CTNND2: variants seen among roughly 807,000 people sequenced by gnomAD.
CTNND2 encodes the protein catenin delta 2, also known as catenin delta-2.
In CTNND2, 22 loss-of-function variants were observed where a neutral mutation model predicts 144.4. The ratio of observed to expected loss-of-function variants is 0.15; its 90% CI spans 0.11 to 0.22. The LOEUF (loss-of-function observed/expected upper bound fraction) is 0.22, where lower values mean the gene tolerates loss of function less well. Ranked by LOEUF, CTNND2 falls within the 10% of genes least tolerant of loss-of-function variation. CTNND2 has a pLI of 1.00. For synonymous variants in CTNND2, 751 were observed against 695.6 expected, an observed-to-expected ratio of 1.08 and a Z score of -1.25; for missense variants, 1,353 against 1,618.8, an observed-to-expected ratio of 0.84 and a Z score of 2.82.
Position 11,199,309 on chromosome 5 carries a change from C to T in CTNND2, c.1975+139G>A. 4.4e-6 allele frequency: 3 copies of T among 674,260 alleles called. No individual in the cohort carries two copies. In the South Asian group the frequency reaches 6.2e-5, roughly 14 times the overall value. The allele number at this position is 674,260 out of a possible 1,614,324, so 41.8% of individuals were successfully genotyped here. A position where few individuals can be genotyped will look rare whatever the true frequency, so the allele number is the denominator to read the frequency against. ...TGATACCATTTTCTTCAGTTGTTTA[C>T]TCATTTGAAAACACATATTGAGACC... On this transcript the variant is annotated intron_variant, in intron 11 of 21. Transcript: ENST00000304623.
intron 2 of CTNND2, among the ~76,000 whole-genome samples, chr5:11,614,269 A>G (rs1034710127): frequency 1.3e-5 from 2 of 152,210 alleles, no homozygotes; most frequent in African/African-American, 4.8e-5. Flanking sequence ...TTAATTTACA[A>G]AGTTACATAA....
rs116571072 is a variant in CTNND2 at position 11,499,455 on chromosome 5, A to G, written c.287+65489T>C. Among the ~76,000 whole-genome samples, 320 of 152,352 alleles carry G rather than the reference A, an allele frequency of 2.1e-3. 2 individuals carry two copies. Among genetic ancestry groups the G allele is most frequent in the African/African-American group, 7.6e-3 (317 of 41,590 alleles). ...GGTTTATTTGAAGCATTTCATAAAC[A>G]TAGAGAGATTACTGAACTTTGGTAT... On this transcript the variant is annotated intron_variant, in intron 3 of 21. Coordinates refer to ENST00000304623, the MANE Select transcript of CTNND2 (RefSeq NM_001332.4).
At chr5:11,672,552 T>C (rs941430332) in intron 2 of CTNND2, among the ~76,000 whole-genome samples, 1 of 152,164 alleles carries the variant, frequency 6.6e-6, no homozygotes, top group Admixed American at 6.5e-5. Flanking sequence ...TCAAACTTCC[T>C]GGCAGGCTTG....
intron 16 of CTNND2, among the ~76,000 whole-genome samples, chr5:11,078,277 AC>A (rs1450461367): frequency 2.6e-5 from 4 of 152,268 alleles, no homozygotes; most frequent in African/African-American, 9.6e-5. Flanking sequence ...CCACTTGGGT[AC>A]AGTATTTAAA....
intron 2 of CTNND2, among the ~76,000 whole-genome samples, chr5:11,597,334 C>T (rs1779561104): frequency 6.6e-6 from 1 of 152,136 alleles, no homozygotes; most frequent in South Asian, 2.1e-4. Flanking sequence ...ACAGGCTTTG[C>T]TTACAGCTTT....
intron 1 of CTNND2, among the ~76,000 whole-genome samples, chr5:11,901,602 T>A (rs1218066011): frequency 6.6e-6 from 1 of 152,216 alleles, no homozygotes; most frequent in Non-Finnish European, 1.5e-5. Context: ...ATGACTGGGT[T>A]ATACAACTAC....
intron 2 of CTNND2, among the ~76,000 whole-genome samples, chr5:11,603,872 A>C (rs933623560): frequency 6.6e-5 from 10 of 152,206 alleles, no homozygotes; most frequent in Non-Finnish European, 1.5e-4. Flanking sequence ...GAAACACTCC[A>C]TATTTGATAT....
chr5:11,377,714 G>C (rs1758078090), intron 7 of CTNND2, among the ~76,000 whole-genome samples: 1 of 152,160 alleles, frequency 6.6e-6, no homozygotes, highest in Non-Finnish European at 1.5e-5. Context: ...AAAGACACCA[G>C]GAAGACATTT....
At chr5:11,219,585 G>T (rs1580621546) in intron 10 of CTNND2, among the ~76,000 whole-genome samples, 1 of 152,130 alleles carries the variant, frequency 6.6e-6, no homozygotes, top group South Asian at 2.1e-4. Context: ...ACTTGAGATG[G>T]GACATTTGTT....
intron 1 of CTNND2, among the ~76,000 whole-genome samples, chr5:11,781,212 G>C (rs1469785339): frequency 8.6e-6 from 1 of 116,942 alleles, no homozygotes; most frequent in East Asian, 2.5e-4. Context: ...TAATCCAACT[G>C]ACAGAGGAGG....
chr5:11,762,530 T>A (rs969000451), intron 1 of CTNND2, among the ~76,000 whole-genome samples: 19 of 152,178 alleles, frequency 1.2e-4, no homozygotes, highest in Non-Finnish European at 2.2e-4. Flanking sequence ...TTTTGAAAAG[T>A]AAATTAAAGA....
At chr5:11,528,933 T>C (rs1236126825) in intron 3 of CTNND2, among the ~76,000 whole-genome samples, 1 of 152,182 alleles carries the variant, frequency 6.6e-6, no homozygotes, top group African/African-American at 2.4e-5. Flanking sequence ...TGTTGTCGGC[T>C]TCAAGAGACA....
At chr5:11,392,320 A>C (rs1480124515) in intron 6 of CTNND2, among the ~76,000 whole-genome samples, 1 of 152,212 alleles carries the variant, frequency 6.6e-6, no homozygotes, top group African/African-American at 2.4e-5. Context: ...GTGGTCTACC[A>C]GTGGAAAGAA....
intron 12 of CTNND2, among the ~76,000 whole-genome samples, chr5:11,136,772 AAT>A (rs964051068): frequency 4.6e-5 from 7 of 152,226 alleles, no homozygotes; most frequent in African/African-American, 1.7e-4. Flanking sequence ...ATTCTTCAAA[AAT>A]ATATATCGAA....
Position 11,517,957 on chromosome 5 carries a change from G to A in CTNND2, c.287+46987C>T, listed in dbSNP as rs185862182. On this transcript the variant is annotated intron_variant, in intron 3 of 21. Coordinates refer to ENST00000304623, the MANE Select transcript of CTNND2 (RefSeq NM_001332.4). ...AAATACTGCAGGATTACGTTTATAT[G>A]TGGAATCTAAAATAGTCAAACTTAC... Among the ~76,000 whole-genome samples the A allele has an allele frequency of 2.3e-3, 343 of 152,286 alleles. 2 individuals are homozygous for A. Among genetic ancestry groups the A allele is most frequent in the African/African-American group, 7.8e-3 (326 of 41,560 alleles).
chr5:11,108,183 T>C (rs1254365553), intron 14 of CTNND2, among the ~76,000 whole-genome samples: 1 of 151,986 alleles, frequency 6.6e-6, no homozygotes, highest in Non-Finnish European at 1.5e-5. Context: ...CTCCAAGTAG[T>C]GAGTGGGGAA....
At chr5:11,614,542 A>C (rs1304547370) in intron 2 of CTNND2, among the ~76,000 whole-genome samples, 1 of 152,252 alleles carries the variant, frequency 6.6e-6, no homozygotes, top group Non-Finnish European at 1.5e-5. Context: ...CGTTTAACAA[A>C]GAGAAACTCC....
chr5:11,869,117 C>A (rs1228845641), intron 1 of CTNND2, among the ~76,000 whole-genome samples: 1 of 152,096 alleles, frequency 6.6e-6, no homozygotes, highest in East Asian at 1.9e-4. Flanking sequence ...AAAATGTGGA[C>A]AAACTGGAAC....
intron 1 of CTNND2, among the ~76,000 whole-genome samples, chr5:11,750,423 A>C: frequency 6.6e-6 from 1 of 151,824 alleles, no homozygotes; most frequent in Non-Finnish European, 1.5e-5. Flanking sequence ...GATTAACTAG[A>C]CTGCTTGGAT....
Sources: gnomAD v4.1 joint callset for allele counts (sites outside exome capture counted in the v4.1 genomes callset) on GRCh38, gnomAD v4.1.1 for gene constraint, MANE v1.5 for transcripts, NCBI Gene and HGNC (gene_info 2026-07-23, HGNC 2026-07-21) for gene names.